PDS5A: variants seen among roughly 807,000 people sequenced by gnomAD.
PDS5A encodes PDS5 cohesin associated factor A.
In PDS5A, 42 loss-of-function variants were observed where a neutral mutation model predicts 167.1. The observed-to-expected ratio is 0.25, with a 90% CI of 0.20 to 0.33. The LOEUF is 0.33. Among genes scored for constraint, PDS5A ranks in the 10% least tolerant of loss-of-function variants. PDS5A has a pLI of 1.00. For missense variants in PDS5A, 1,033 were observed against 1,605.9 expected (o/e 0.64, Z 6.10); for synonymous variants, 553 against 554.6 (o/e 1.00, Z 0.04).
chr4:39,899,851 TAAAAAAAAAAA>T lies in PDS5A; in HGVS notation c.1581+564_1581+574del, dbSNP rs532738160. On this transcript the variant is annotated intron_variant, in intron 14 of 32. Coordinates refer to ENST00000303538, the MANE Select transcript of PDS5A (RefSeq NM_001100399.2). ...GGCAACAGAGTAAGATCCTGTGTAT[TAAAAAAAAAAA>T]AAAAAAAAAAAAAAAAAGTTTGCCC... Among the ~76,000 whole-genome samples, 61 of 102,402 alleles carry T rather than the reference TAAAAAAAAAAA, an allele frequency of 6.0e-4. 2 individuals carry two copies. The East Asian group carries it at 8.4e-3, about 14-fold the overall frequency. 67.2% of individuals were successfully genotyped at this position (102,402 alleles called of 152,430 possible).
intron 8 of PDS5A, among the ~76,000 whole-genome samples, chr4:39,915,336 C>T (rs994235970): frequency 5.5e-5 from 8 of 146,602 alleles, no homozygotes; most frequent in South Asian, 2.2e-4. Context: ...GTACCACAAC[C>T]GGCCTGATTT....
Position 39,929,519 on chromosome 4 carries a change from CTATATATATATATATATATA to C in PDS5A, c.139-1375_139-1356del, listed in dbSNP as rs58069502. 9.7e-4 allele frequency among the ~76,000 whole-genome samples: 77 copies of C among 79,406 alleles called. 1 individual carries two copies. The highest frequency in any genetic ancestry group is 5.9e-3 in the African/African-American group (68 of 11,430). 52.1% of individuals were successfully genotyped at this position (79,406 alleles called of 152,430 possible). A position where few individuals can be genotyped will look rare whatever the true frequency, so the allele number is the denominator to read the frequency against. On this transcript the variant is annotated intron_variant, in intron 2 of 32. Coordinates refer to ENST00000303538, the MANE Select transcript of PDS5A (RefSeq NM_001100399.2). ...GCCTTGTGAGTTAATACTTAATAAA[CTATATATATATATATATATA>C]TATATATATATATATATCCCATTAA... is the stretch of plus-strand genomic sequence containing the variant.
chr4:39,895,946 G>A (rs956621656), intron 16 of PDS5A, among the ~76,000 whole-genome samples: 1 of 150,692 alleles, frequency 6.6e-6, no homozygotes, highest in Non-Finnish European at 1.5e-5. Context: ...GGATGGTCTC[G>A]ATCTCCCGAC....
intron 2 of PDS5A, among the ~76,000 whole-genome samples, chr4:39,942,696 G>T (rs745483495): frequency 6.6e-6 from 1 of 152,170 alleles, no homozygotes; most frequent in Non-Finnish European, 1.5e-5. Context: ...AATGTGCTAG[G>T]ACTACAGGTA....
intron 2 of PDS5A, among the ~76,000 whole-genome samples, chr4:39,943,000 A>G (rs1261959082): frequency 6.6e-6 from 1 of 152,086 alleles, no homozygotes; most frequent in African/African-American, 2.4e-5. Context: ...ACATATGTAC[A>G]AGGTATTTTC....
At position 39,910,991 on chromosome 4, in the gene PDS5A, G is replaced by A. The variant is rs992148902; in HGVS notation, c.993-653C>T. Among the ~76,000 whole-genome samples the A allele has an allele frequency of 5.9e-5, 9 of 152,152 alleles. No individual in the cohort carries two copies. In the South Asian group the frequency reaches 8.3e-4, roughly 14 times the overall value. ...CTACAAAAAAACACAAAAATCAGCC[G>A]GGCGTGGAGGCATTCCCCTGTAGTC... On this transcript the variant is annotated intron_variant, in intron 9 of 32. Coordinates refer to ENST00000303538, the MANE Select transcript of PDS5A (RefSeq NM_001100399.2).
intron 2 of PDS5A, among the ~76,000 whole-genome samples, chr4:39,971,657 A>G (rs1029862184): frequency 6.6e-6 from 1 of 151,130 alleles, no homozygotes; most frequent in Non-Finnish European, 1.5e-5. Flanking sequence ...ATGGGGTTTC[A>G]CCATGTTGGC....
intron 2 of PDS5A, among the ~76,000 whole-genome samples, chr4:39,937,440 T>G (rs1338858660): frequency 1.3e-5 from 2 of 152,056 alleles, no homozygotes; most frequent in East Asian, 3.8e-4. Flanking sequence ...TTGAGAAAGG[T>G]TCTCACTTTG....
chr4:39,920,011 T>C (rs913034938), intron 7 of PDS5A, among the ~76,000 whole-genome samples: 51 of 148,882 alleles, frequency 3.4e-4, no homozygotes, highest in Admixed American at 1.1e-3. Context: ...GAAAAAAATA[T>C]ATAGAGAGAG....
chr4:39,831,615 C>T (rs528343027), intron 32 of PDS5A, among the ~76,000 whole-genome samples: 24 of 151,646 alleles, frequency 1.6e-4, no homozygotes, highest in African/African-American at 5.3e-4. Context: ...CGATGGCTCA[C>T]GCCTGCAATC....
rs562481271 is a variant in PDS5A, at chr4:39,879,631, G to A, written c.1992+97C>T. On this transcript the variant is annotated intron_variant, in intron 18 of 32. Transcript: ENST00000303538. The stretch of plus-strand genomic sequence containing the variant: ...ACACAAGTTTTAAATCTTTCAAATA[G>A]TTTCCTGTGAAATAAGCCTGACTCT... 4 of 624,000 alleles carry A rather than the reference G, an allele frequency of 6.4e-6. No individual in the cohort carries two copies. The South Asian group carries it at 8.9e-5, about 14-fold the overall frequency. The allele number at this position is 624,000 out of a possible 1,614,324, so 38.7% of individuals were successfully genotyped here. A position where few individuals can be genotyped will look rare whatever the true frequency, so the allele number is the denominator to read the frequency against.
chr4:39,925,844 TGAGAA>T lies in PDS5A; in HGVS notation c.514_518del (p.Phe172SerfsTer5). On this transcript the variant is annotated frameshift_variant, in exon 5 of 33. Coordinates refer to ENST00000303538, the MANE Select transcript of PDS5A (RefSeq NM_001100399.2). LOFTEE classifies it high-confidence loss of function. The stretch of plus-strand genomic sequence containing the variant: ...CTTAAAAAATAACTTACTTGATCAC[TGAGAA>T]GAGAGTTCTAAAAAGCTGAATAAAA... The T allele has an allele frequency of 7.3e-7, 1 of 1,373,694 alleles. No homozygotes were observed. The highest frequency in any genetic ancestry group is 1.0e-6 in the Non-Finnish European group (1 of 988,226). The allele number at this position is 1,373,694 out of a possible 1,614,324, so 85.1% of individuals were successfully genotyped here.
At chr4:39,879,138 CAGT>C (rs1191135072) in intron 18 of PDS5A, among the ~76,000 whole-genome samples, 1 of 152,150 alleles carries the variant, frequency 6.6e-6, no homozygotes, top group East Asian at 1.9e-4. Context: ...CTGTATGTCA[CAGT>C]GGTATCATGT....
chr4:39,907,776 C>T (rs529395803), intron 11 of PDS5A, among the ~76,000 whole-genome samples: 18 of 152,134 alleles, frequency 1.2e-4, no homozygotes, highest in African/African-American at 4.3e-4. Context: ...TTAGTAGAGA[C>T]GGGGTTTCAC....
intron 28 of PDS5A, chr4:39,846,091 G>A (rs1717566698): frequency 1.5e-5 from 5 of 342,280 alleles, no homozygotes; most frequent in African/African-American, 2.1e-5. Context: ...GCAGACTTAG[G>A]CAAATGTCAA....
chr4:39,904,625 C>T (rs1435116407), intron 11 of PDS5A, among the ~76,000 whole-genome samples: 2 of 152,244 alleles, frequency 1.3e-5, no homozygotes, highest in Non-Finnish European at 2.9e-5. Flanking sequence ...AGCCACCGCG[C>T]CCAGCCTACA....
intron 2 of PDS5A, among the ~76,000 whole-genome samples, chr4:39,939,351 C>T (rs1726999550): frequency 6.6e-6 from 1 of 152,092 alleles, no homozygotes; most frequent in South Asian, 2.1e-4. Flanking sequence ...CCTGTAGTCC[C>T]AGCTACTCAA....
At chr4:39,921,174 T>C (rs1724923218) in intron 6 of PDS5A, among the ~76,000 whole-genome samples, 1 of 152,134 alleles carries the variant, frequency 6.6e-6, no homozygotes, top group Non-Finnish European at 1.5e-5. Context: ...ATTTTAGGTT[T>C]TGTGGGTCAT....
chr4:39,844,903 A>G (rs1396070988), intron 29 of PDS5A, 102 bp from the exon 30 acceptor site: 2 of 1,205,386 alleles, frequency 1.7e-6, no homozygotes, highest in African/African-American at 3.1e-5. Flanking sequence ...TTAAGTGCTA[A>G]TTAGTTAAAT....
Sources: gnomAD v4.1 joint callset for allele counts (sites outside exome capture counted in the v4.1 genomes callset) on GRCh38, gnomAD v4.1.1 for gene constraint, MANE v1.5 for transcripts, NCBI Gene and HGNC (gene_info 2026-07-23, HGNC 2026-07-21) for gene names.